Variants in SPATA31G1 observed in about 807,000 individuals in gnomAD.
The protein encoded by SPATA31G1 is SPATA31 subfamily G member 1, also known as spermatogenesis-associated protein 31G1.
chr9:35,045,584 A>G, the SPATA31G1 span: 2 of 1,614,194 alleles, frequency 1.2e-6, no homozygotes, highest in Non-Finnish European at 1.7e-6. Flanking sequence ...AGGCCCCTGT[A>G]AGCACATTTC....
chr9:35,045,385 G>A, the SPATA31G1 span: 3 of 1,614,080 alleles, frequency 1.9e-6, no homozygotes, highest in South Asian at 2.2e-5. Context: ...CCAGGCCCAG[G>A]AGAACCCTCA....
the SPATA31G1 span, chr9:35,041,687 A>C: frequency 2.6e-5 from 4 of 154,044 alleles, no homozygotes; most frequent in African/African-American, 9.7e-5. Flanking sequence ...GGCAATATAG[A>C]GAGATCCTGT....
the SPATA31G1 span, chr9:35,044,967 G>A: frequency 3.1e-6 from 5 of 1,614,200 alleles, no homozygotes; most frequent in Non-Finnish European, 4.2e-6. Context: ...TGGGATCCAT[G>A]CCTGGCAGTG....
At chr9:35,045,260 T>C in the SPATA31G1 span, 1 of 1,614,082 alleles carries the variant, frequency 6.2e-7, no homozygotes, top group Non-Finnish European at 8.5e-7. Context: ...CACAGGAGTC[T>C]GGCAGGGCGG....
the SPATA31G1 span, chr9:35,045,832 A>ACCCC: frequency 6.2e-7 from 1 of 1,612,702 alleles, no homozygotes; most frequent in Non-Finnish European, 8.5e-7. Context: ...AAATGCCTGG[A>ACCCC]TAACCATCGA....
chr9:35,042,735 G>C, the SPATA31G1 span: 7 of 1,312,434 alleles, frequency 5.3e-6, no homozygotes, highest in East Asian at 4.6e-5. Context: ...GTAGGTGACT[G>C]GCCACACACG....
the SPATA31G1 span, chr9:35,042,533 CAT>C: frequency 1.2e-6 from 2 of 1,612,238 alleles, no homozygotes; most frequent in African/African-American, 1.3e-5. Flanking sequence ...GCTGACACCA[CAT>C]GTGAGGTCAT....
At chr9:35,044,357 A>G in the SPATA31G1 span, 26 of 1,613,766 alleles carry the variant, frequency 1.6e-5, no homozygotes, top group Non-Finnish European at 1.9e-5. Flanking sequence ...TCAGAGTTAG[A>G]TCCATGGGGG....
At chr9:35,044,520 G>C in the SPATA31G1 span, 1 of 1,614,034 alleles carries the variant, frequency 6.2e-7, no homozygotes, top group East Asian at 2.2e-5. Flanking sequence ...AGGGGAAATG[G>C]AGCAAAAAGA....
the SPATA31G1 span, chr9:35,045,471 C>T: frequency 1.2e-6 from 2 of 1,613,696 alleles, no homozygotes; most frequent in Non-Finnish European, 1.7e-6. Context: ...GAGAGAGCAC[C>T]CTAGGAAACC....
chr9:35,044,074 C>A, the SPATA31G1 span: 2 of 1,614,108 alleles, frequency 1.2e-6, no homozygotes, highest in African/African-American at 1.3e-5. Flanking sequence ...CTCCTGGAGT[C>A]TCTAGTAATG....
chr9:35,045,712 T>A, the SPATA31G1 span: 12 of 1,614,068 alleles, frequency 7.4e-6, no homozygotes, highest in African/African-American at 2.7e-5. Context: ...GCAAGTGACA[T>A]CCTGACCCCT....
the SPATA31G1 span, chr9:35,043,795 G>A: frequency 6.2e-7 from 1 of 1,614,082 alleles, no homozygotes; most frequent in Non-Finnish European, 8.5e-7. Flanking sequence ...CCAGTCCCTT[G>A]CCCTCCCCTA....
chr9:35,043,909 A>G, the SPATA31G1 span: 2 of 1,613,954 alleles, frequency 1.2e-6, no homozygotes, highest in South Asian at 2.2e-5. Flanking sequence ...TGGGCTTTTG[A>G]GTCTCCAGTC....
the SPATA31G1 span, chr9:35,044,998 G>C: frequency 6.2e-7 from 1 of 1,614,216 alleles, no homozygotes; most frequent in Non-Finnish European, 8.5e-7. Flanking sequence ...CTGAAACTCA[G>C]GCTGAAGAAA....
the SPATA31G1 span, chr9:35,042,632 G>A: frequency 7.6e-7 from 1 of 1,321,818 alleles, no homozygotes; most frequent in South Asian, 1.4e-5. Flanking sequence ...TTGAAGCCAG[G>A]TGAGTGACCA....
the SPATA31G1 span, chr9:35,044,040 C>T: frequency 3.5e-5 from 57 of 1,613,770 alleles, no homozygotes; most frequent in Non-Finnish European, 4.7e-5. Flanking sequence ...CCCAGTTTCA[C>T]CTCCCAGCCT....
the SPATA31G1 span, chr9:35,043,025 C>A: frequency 2.6e-5 from 42 of 1,614,034 alleles, 1 homozygote; most frequent in African/African-American, 4.9e-4. Flanking sequence ...GAGAGCAAGC[C>A]ACTCCAGCCC....
At chr9:35,045,497 T>C in the SPATA31G1 span, 21 of 1,613,838 alleles carry the variant, frequency 1.3e-5, no homozygotes, top group African/African-American at 4.0e-5. Context: ...CAGGAGACCA[T>C]AGAAGAGGGA....
Sources: allele counts gnomAD v4.1 joint callset, GRCh38; gene constraint gnomAD v4.1.1; transcripts MANE v1.5; gene names NCBI Gene and HGNC (gene_info 2026-07-23, HGNC 2026-07-21).